Variants in ROBO2 observed in about 807,000 individuals in gnomAD.
ROBO2 encodes roundabout homolog 2.
ROBO2 carries 53 observed loss-of-function variants against 160.8 expected under a neutral mutation model. That is an observed-to-expected ratio of 0.33 (90% CI 0.26 to 0.41). The LOEUF is 0.41. Ranked by LOEUF, ROBO2 falls within the 10% of genes least tolerant of loss-of-function variation. The pLI is 1.00. For synonymous variants in ROBO2, 664 were observed against 611.7 expected (o/e 1.09, Z -1.26); for missense variants, 1,577 against 1,722.4 (o/e 0.92, Z 1.49).
At position 77,251,422 on chromosome 3, in the gene ROBO2, T is replaced by A. The variant is rs189831280; in HGVS notation, c.388+153082T>A. Among the ~76,000 whole-genome samples, 177 of 151,884 alleles carry A rather than the reference T, an allele frequency of 1.2e-3. 1 individual carries two copies. The highest frequency in any genetic ancestry group is 2.9e-3 in the Admixed American group (45 of 15,286). On this transcript the variant is annotated intron_variant, in intron 2 of 25. Coordinates refer to ENST00000461745, the Ensembl canonical transcript of ROBO2. ...TAGGGCAGTGCAGGGCAGTGAATGC[T>A]GTGGTCTTGCAGGCACCTCTCTCAA...
chr3:76,438,867 A>G (rs2076800043), intron 2 of ROBO2, among the ~76,000 whole-genome samples: 1 of 151,960 alleles, frequency 6.6e-6, no homozygotes, highest in Non-Finnish European at 1.5e-5. Context: ...TTTTGAGATA[A>G]GTGTCGTTAA....
At chr3:76,275,090 A>G (rs1559709848) in intron 2 of ROBO2, among the ~76,000 whole-genome samples, 1 of 152,174 alleles carries the variant, frequency 6.6e-6, no homozygotes, top group Non-Finnish European at 1.5e-5. Context: ...AGTGATTGAC[A>G]ACAGTAGACA....
intron 2 of ROBO2, among the ~76,000 whole-genome samples, chr3:76,156,333 G>C (rs1013775419): frequency 6.6e-6 from 1 of 152,070 alleles, no homozygotes; most frequent in African/African-American, 2.4e-5. Context: ...TATTTGTCTA[G>C]CCTACACATT....
At chr3:76,637,128 G>C (rs1173853598) in intron 2 of ROBO2, among the ~76,000 whole-genome samples, 6 of 152,096 alleles carry the variant, frequency 3.9e-5, no homozygotes, top group Non-Finnish European at 2.9e-5. Flanking sequence ...CCCAACTTTG[G>C]AACCAGTCAG....
chr3:77,144,584 A>G (rs1277529904), intron 2 of ROBO2, among the ~76,000 whole-genome samples: 1 of 152,278 alleles, frequency 6.6e-6, no homozygotes, highest in Non-Finnish European at 1.5e-5. Flanking sequence ...AAAAAGATTT[A>G]CAATTTATTT....
chr3:77,178,170 G>A (rs1307073323), intron 2 of ROBO2, among the ~76,000 whole-genome samples: 3 of 151,942 alleles, frequency 2.0e-5, no homozygotes, highest in South Asian at 2.1e-4. Context: ...AGGTATGGGC[G>A]CGCTACAAGG....
At chr3:76,840,628 T>A (rs2068146174) in intron 2 of ROBO2, among the ~76,000 whole-genome samples, 1 of 118,450 alleles carries the variant, frequency 8.4e-6, no homozygotes. Context: ...AAATTATATA[T>A]ATATATTAAT....
At chr3:75,914,474 A>G (rs552866512) in intron 1 of ROBO2, among the ~76,000 whole-genome samples, 13 of 152,282 alleles carry the variant, frequency 8.5e-5, no homozygotes, top group Admixed American at 7.8e-4. Context: ...CAAATATTCT[A>G]AGTTTTTAAG....
chr3:77,619,806 CT>C (rs1222555198), intron 22 of ROBO2, among the ~76,000 whole-genome samples: 1 of 152,156 alleles, frequency 6.6e-6, no homozygotes, highest in African/African-American at 2.4e-5. Context: ...TACAGATTAC[CT>C]CCCAGGAGTA....
intron 1 of ROBO2, among the ~76,000 whole-genome samples, chr3:77,067,358 C>G (rs1489110772): frequency 6.6e-6 from 1 of 152,152 alleles, no homozygotes; most frequent in Non-Finnish European, 1.5e-5. Context: ...CTTTTTACTA[C>G]TTGCCCCTGA....
chr3:77,313,646 G>A (rs983098834), intron 2 of ROBO2, among the ~76,000 whole-genome samples: 4 of 152,054 alleles, frequency 2.6e-5, no homozygotes, highest in Non-Finnish European at 4.4e-5. Flanking sequence ...AGTGCATGGC[G>A]TGATCTCGGC....
chr3:77,427,149 G>A (rs1021373716), intron 2 of ROBO2, among the ~76,000 whole-genome samples: 1 of 152,172 alleles, frequency 6.6e-6, no homozygotes. Context: ...CACTGGAAAA[G>A]GGATGAGGTT....
At chr3:77,292,828 C>T (rs7430864) in intron 2 of ROBO2, among the ~76,000 whole-genome samples, 47,975 of 129,912 alleles carry the variant, frequency 0.37, 9,521 homozygotes, top group Middle Eastern at 0.55. Context: ...TAAAGTAAAA[C>T]TGACGGTTAA....
intron 2 of ROBO2, among the ~76,000 whole-genome samples, chr3:76,700,345 T>C (rs2093022150): frequency 6.6e-6 from 1 of 152,138 alleles, no homozygotes; most frequent in Admixed American, 6.6e-5. Context: ...ATAACTCATC[T>C]TTTCCCCCCT....
intron 2 of ROBO2, among the ~76,000 whole-genome samples, chr3:77,222,464 T>C (rs952350362): frequency 6.6e-6 from 1 of 152,142 alleles, no homozygotes; most frequent in Non-Finnish European, 1.5e-5. Flanking sequence ...AAAGACTTTT[T>C]CAGAAGACTT....
chr3:77,151,983 T>A (rs1560116762), intron 2 of ROBO2, among the ~76,000 whole-genome samples: 1 of 152,196 alleles, frequency 6.6e-6, no homozygotes, highest in Non-Finnish European at 1.5e-5. Context: ...TACTGTAACT[T>A]TAGTACATCC....
rs149190601 is a variant in ROBO2 at position 76,324,359 on chromosome 3, G to A, written c.109+386757G>A. ...TCAATCCCAGTCAATGTGGTTGCTT[G>A]TGTATACCTTAGGTAGATAATAAAA... On this transcript the variant is annotated intron_variant, in intron 2 of 26. Transcript: ENST00000487694. Among the ~76,000 whole-genome samples the A allele has an allele frequency of 3.0e-4, 45 of 152,316 alleles. No homozygotes were observed. The East Asian group carries it at 8.5e-3, about 29-fold the overall frequency.
At chr3:76,949,683 C>T (rs1479770957) in intron 2 of ROBO2, among the ~76,000 whole-genome samples, 1 of 152,154 alleles carries the variant, frequency 6.6e-6, no homozygotes, top group Non-Finnish European at 1.5e-5. Flanking sequence ...TGTAATGGAA[C>T]GAGCTTGTTT....
chr3:76,433,344 CAA>C (rs1014562311), intron 2 of ROBO2, among the ~76,000 whole-genome samples: 2 of 152,072 alleles, frequency 1.3e-5, no homozygotes, highest in African/African-American at 4.8e-5. Context: ...CAACCATAAA[CAA>C]TATTTAGTAT....
Sources: allele counts gnomAD v4.1 joint callset (sites outside exome capture counted in the v4.1 genomes callset), GRCh38; gene constraint gnomAD v4.1.1; transcripts MANE v1.5; gene names NCBI Gene and HGNC (gene_info 2026-07-23, HGNC 2026-07-21).